ERMP1: variants seen among roughly 807,000 people sequenced by gnomAD.
The protein encoded by ERMP1 is Felix-ina.
A neutral mutation model predicts 92.0 loss-of-function variants in ERMP1; 86 were observed. The ratio of observed to expected loss-of-function variants is 0.93; its 90% confidence interval spans 0.79 to 1.12. ERMP1 has a LOEUF of 1.12. Ranked by LOEUF, ERMP1 falls within the 50% of genes most tolerant of loss-of-function variation. The pLI is 0.00. For synonymous variants in ERMP1, 530 were observed against 412.8 expected (o/e 1.28, Z -3.44); for missense variants, 1,342 against 1,116.3 (o/e 1.20, Z -2.88).
In ERMP1 at chr9:5,787,029, G is replaced by C; in HGVS notation, c.*115C>G. The C allele has an allele frequency of 9.1e-7, 1 of 1,100,218 alleles. No homozygotes were observed. The allele number at this position is 1,100,218 out of a possible 1,614,324, so 68.2% of individuals were successfully genotyped here. ...AAAGCGTTAACCCAGAAAGCTCTTT[G>C]AACATATGATCATTAAAATTCATTG... On this transcript the variant is annotated 3_prime_UTR_variant, in exon 15 of 15. Coordinates refer to ENST00000339450, the MANE Select transcript of ERMP1 (RefSeq NM_024896.3).
intron 13 of ERMP1, chr9:5,791,214 A>C (rs1029247105): frequency 3.5e-5 from 16 of 456,606 alleles, no homozygotes; most frequent in Middle Eastern, 3.2e-4. Flanking sequence ...ATTGAGATTT[A>C]TTTTAAGGAA....
Position 5,805,162 on chromosome 9 carries a change from A to T in ERMP1, c.1779T>A (p.Leu593=). Reference sequence around the variant, plus strand: ...CTGCCCAGATGAGGTACAATGCATAAAGATAAGGAATAAACATCCCCAAAA... The same window carrying T: ...CTGCCCAGATGAGGTACAATGCATATAGATAAGGAATAAACATCCCCAAAA... ...FYLLGMFIPY[L]YALYLIWAVF... is the part of the protein sequence containing the mutation. The change falls in exon 10 of 15, where the codon CTT becomes CTA. Residue 593 remains leucine (L), a synonymous_variant. Transcript: ENST00000339450. The T allele has an allele frequency of 6.2e-7, 1 of 1,613,460 alleles. No homozygotes were observed. Among genetic ancestry groups the T allele is most frequent in the Non-Finnish European group, 8.5e-7 (1 of 1,179,874 alleles).
chr9:5,842,405 C>A (rs1462253791), intron 6 of ERMP1, among the ~76,000 whole-genome samples: 1 of 144,700 alleles, frequency 6.9e-6, no homozygotes, highest in Non-Finnish European at 1.5e-5. Flanking sequence ...TGCACTCCAG[C>A]CTGGGTGACA....
intron 5 of ERMP1, among the ~76,000 whole-genome samples, chr9:5,862,356 A>G (rs1489038986): frequency 6.6e-6 from 1 of 151,858 alleles, no homozygotes; most frequent in Admixed American, 6.6e-5. Context: ...TTTTAGAGAC[A>G]GAGTCTCACT....
At chr9:5,790,191 T>C (rs1438689826) in intron 13 of ERMP1, among the ~76,000 whole-genome samples, 4 of 149,128 alleles carry the variant, frequency 2.7e-5, no homozygotes, top group South Asian at 2.1e-4. Flanking sequence ...TTTTTTTTTT[T>C]TCCCCTGAGA....
intron 8 of ERMP1, among the ~76,000 whole-genome samples, chr9:5,808,866 T>C (rs781222868): frequency 1.2e-4 from 19 of 152,004 alleles, no homozygotes; most frequent in Non-Finnish European, 2.1e-4. Context: ...GCCACCCAGG[T>C]AGCTGGGACT....
intron 4 of ERMP1, among the ~76,000 whole-genome samples, chr9:5,814,866 C>G (rs765159242): frequency 1.3e-5 from 2 of 152,102 alleles, no homozygotes; most frequent in Non-Finnish European, 2.9e-5. Context: ...TTTTAAAAAA[C>G]ACAGATATCA....
upstream of ERMP1, among the ~76,000 whole-genome samples, chr9:5,834,411 G>A (rs890266121): frequency 1.3e-5 from 2 of 152,296 alleles, no homozygotes; most frequent in Admixed American, 6.5e-5. Context: ...TAGACTGTAA[G>A]CCCCACGAAG....
chr9:5,813,464 T>C (rs1829186067), intron 4 of ERMP1, among the ~76,000 whole-genome samples: 1 of 152,228 alleles, frequency 6.6e-6, no homozygotes, highest in East Asian at 1.9e-4. Context: ...AAATTGGGTA[T>C]ACCTTATCTG....
chr9:5,855,830 G>C (rs1229446604), intron 6 of ERMP1: 1 of 178,152 alleles, frequency 5.6e-6, no homozygotes, highest in Non-Finnish European at 1.2e-5. Context: ...AAAATATGTA[G>C]ACTTAGGGCC....
rs1828824774 is a variant in ERMP1, at chr9:5,805,223, GAA to G, written c.1724-8_1724-7del. Reference sequence around the variant, plus strand: ...AATAAATTTTCCTTGGGCACCTAGGGAAAAAGAGAAAAAAAGCACACATCTAT... The same window carrying G: ...AATAAATTTTCCTTGGGCACCTAGGGAAAGAGAAAAAAAGCACACATCTAT... On this transcript the variant is annotated splice_region_variant and splice_polypyrimidine_tract_variant and intron_variant, in intron 9 of 14. Coordinates refer to ENST00000339450, the MANE Select transcript of ERMP1 (RefSeq NM_024896.3). 3 of 1,588,068 alleles carry G rather than the reference GAA, an allele frequency of 1.9e-6. No individual in the cohort carries two copies. The highest frequency in any genetic ancestry group is 1.8e-5 in the Admixed American group (1 of 54,872).
intron 2 of ERMP1, among the ~76,000 whole-genome samples, chr9:5,828,355 TTG>T (rs1276560732): frequency 6.6e-6 from 1 of 152,194 alleles, no homozygotes; most frequent in Non-Finnish European, 1.5e-5. Flanking sequence ...TGCCCTCCCC[TTG>T]TTTGCCTAAA....
At chr9:5,814,305 AAACCACC>A (rs1261833741) in intron 4 of ERMP1, among the ~76,000 whole-genome samples, 4 of 152,220 alleles carry the variant, frequency 2.6e-5, no homozygotes, top group African/African-American at 9.7e-5. Context: ...TTGCTGTTGT[AAACCACC>A]AAGATTTTGG....
intron 6 of ERMP1, among the ~76,000 whole-genome samples, chr9:5,852,711 T>C (rs957192386): frequency 6.6e-6 from 1 of 151,438 alleles, no homozygotes; most frequent in African/African-American, 2.4e-5. Flanking sequence ...ATCCTAAGGA[T>C]AGCTATCTAT....
intron 10 of ERMP1, among the ~76,000 whole-genome samples, chr9:5,804,606 C>T (rs969018640): frequency 2.0e-5 from 3 of 152,164 alleles, no homozygotes; most frequent in African/African-American, 7.2e-5. Context: ...ATTTAGTCTT[C>T]CTTCACTAGC....
rs769608008 is a variant in ERMP1, at chr9:5,823,879, C to T, written c.874+17G>A. ...ACTAGAATTGCATTAAAATATACAA[C>T]GCACAATCTCACATACCTGTTTGGA... On this transcript the variant is annotated intron_variant, in intron 4 of 14. Coordinates refer to ENST00000339450, the MANE Select transcript of ERMP1 (RefSeq NM_024896.3). The T allele has an allele frequency of 2.4e-5, 36 of 1,520,394 alleles. No homozygotes were observed. The highest frequency in any genetic ancestry group is 4.1e-5 in the African/African-American group (3 of 72,432). 94.2% of individuals were successfully genotyped at this position (1,520,394 alleles called of 1,614,324 possible). A position where few individuals can be genotyped will look rare whatever the true frequency, so the allele number is the denominator to read the frequency against.
chr9:5,787,354 T>C (rs1219708991), intron 14 of ERMP1, 46 bp from the exon 15 acceptor site: 1 of 1,604,036 alleles, frequency 6.2e-7, no homozygotes, highest in South Asian at 1.1e-5. Context: ...GAAGCCAGAA[T>C]ACTGAACCCA....
At chr9:5,799,452 A>G (rs1828581736) in intron 11 of ERMP1, among the ~76,000 whole-genome samples, 2 of 152,204 alleles carry the variant, frequency 1.3e-5, no homozygotes, top group South Asian at 4.1e-4. Context: ...AATTCTATGA[A>G]AAGGCACCGT....
rs376008255 is a variant in ERMP1, at chr9:5,806,003, T to C, written c.1549-218A>G. ...CACAAGAAAGGGCATTTTAACAATA[T>C]AGAGTATAAATGCTCCATGTACTCT... On this transcript the variant is annotated intron_variant, in intron 8 of 14. Coordinates refer to ENST00000339450, the MANE Select transcript of ERMP1 (RefSeq NM_024896.3). Among the ~76,000 whole-genome samples the C allele has an allele frequency of 1.9e-4, 29 of 152,320 alleles. No homozygotes were observed. The South Asian group carries it at 2.1e-3, about 11-fold the overall frequency.
Sources: allele counts gnomAD v4.1 joint callset (sites outside exome capture counted in the v4.1 genomes callset), GRCh38; gene constraint gnomAD v4.1.1; transcripts MANE v1.5; gene names NCBI Gene and HGNC (gene_info 2026-07-23, HGNC 2026-07-21).